The following S100A9 variants were observed in gnomAD, a reference collection of about 807,000 sequenced individuals.
S100A9 encodes the protein protein S100-A9.
S100A9 carries 2 observed loss-of-function variants against 4.3 expected under a neutral mutation model. The observed-to-expected ratio is 0.47, with a 90% CI of 0.19 to 1.48. S100A9 has a LOEUF of 1.48. S100A9 is among the 40% of genes most tolerant of loss of function. S100A9 has a pLI of 0.24. For missense variants in S100A9, 130 were observed against 144.4 expected (o/e 0.90, Z 0.51); for synonymous variants, 67 against 54.0 (o/e 1.24, Z -1.06).
chr1:153,358,563 G>A (rs918247655), intron 2 of S100A9, 130 bp downstream of exon 2: 26 of 725,534 alleles, frequency 3.6e-5, no homozygotes, highest in Non-Finnish European at 5.1e-5. Context: ...AAGACGCAGC[G>A]AGTGTCCTGT....
At position 153,360,651 on chromosome 1, in the gene S100A9, A is replaced by G. The variant is rs1661431332; in HGVS notation, c.158A>G (p.Asn53Ser). Residue 53 changes from asparagine (N) to serine (S), a missense_variant, in exon 3 of 3, where the codon AAT (asparagine) becomes AGT (serine). Physicochemically the swap from Asn to Ser is conservative, Grantham distance 46. Coordinates refer to ENST00000368738, the MANE Select transcript of S100A9 (RefSeq NM_002965.4). ...KDLQNFLKKE[N>S]KNEKVIEHIM... ...TTCTCTCCCCACCCGCAGAAGGAGA[A>G]TAAGAATGAAAAGGTCATAGAACAC... The G allele has an allele frequency of 1.2e-6, 2 of 1,605,154 alleles. No homozygotes were observed. The highest frequency in any genetic ancestry group is 1.1e-5 in the South Asian group (1 of 90,504).
At chr1:153,358,525 A>G in intron 2 of S100A9, 92 bp downstream of exon 2, 1 of 1,074,456 alleles carries the variant, frequency 9.3e-7, no homozygotes, top group East Asian at 2.7e-5. Flanking sequence ...AATCAAGGGG[A>G]AGATTTGAGC....
At chr1:153,360,119 T>G (rs1661421329) in intron 2 of S100A9, among the ~76,000 whole-genome samples, 1 of 152,148 alleles carries the variant, frequency 6.6e-6, no homozygotes. Flanking sequence ...GAAATAAGTT[T>G]CACTAATTGG....
At chr1:153,360,481 G>A (rs1275391706) in intron 2 of S100A9, among the ~76,000 whole-genome samples, 163 bp from the exon 3 acceptor site, 1 of 152,144 alleles carries the variant, frequency 6.6e-6, no homozygotes, top group Non-Finnish European at 1.5e-5. Flanking sequence ...TGTGCTCAGT[G>A]TCTGCTCCAT....
At chr1:153,359,380 T>C (rs1661404160) in intron 2 of S100A9, among the ~76,000 whole-genome samples, 1 of 151,884 alleles carries the variant, frequency 6.6e-6, no homozygotes. Context: ...CTGGGTGGGG[T>C]AGGCAAGAAA....
chr1:153,359,044 C>T (rs1001562416), intron 2 of S100A9, among the ~76,000 whole-genome samples: 41 of 152,258 alleles, frequency 2.7e-4, no homozygotes, highest in Admixed American at 1.1e-3. Context: ...ACATGGAGAG[C>T]ACCTGCACAG....
chr1:153,358,970 G>C (rs190946479), intron 2 of S100A9, among the ~76,000 whole-genome samples: 1 of 151,932 alleles, frequency 6.6e-6, no homozygotes, highest in Non-Finnish European at 1.5e-5. Context: ...GGAACTTGGG[G>C]TGGAAGACTT....
Position 153,360,595 on chromosome 1 carries a change from C to A in S100A9, c.151-49C>A, listed in dbSNP as rs755181131. The A allele has an allele frequency of 3.2e-5, 42 of 1,315,700 alleles. No homozygotes were observed. The Admixed American group carries it at 4.1e-4, about 13-fold the overall frequency. The allele number at this position is 1,315,700 out of a possible 1,614,324, so 81.5% of individuals were successfully genotyped here. ...TGGTCATTTACTGTGCTCCCAGTCCCCACCTCTGGCCACACCCAGCTCTCA... is the reference window on the plus strand; with the variant it reads ...TGGTCATTTACTGTGCTCCCAGTCCACACCTCTGGCCACACCCAGCTCTCA... On this transcript the variant is annotated intron_variant, in intron 2 of 2. Transcript: ENST00000368738.
chr1:153,360,718 C>A lies in S100A9; in HGVS notation c.225C>A (p.Ser75Arg). ...ACACAAATGCAGACAAGCAGCTGAG[C>A]TTCGAGGAGTTCATCATGCTGATGG... ...DLDTNADKQL[S>R]FEEFIMLMAR... The change falls in exon 3 of 3, where the codon AGC (serine) becomes AGA (arginine). Residue 75 changes from serine to arginine, a missense_variant. Ser to Arg is a moderately radical substitution (Grantham distance 110, BLOSUM62 -1). Transcript: ENST00000368738. The A allele has an allele frequency of 1.2e-6, 2 of 1,614,000 alleles. No homozygotes were observed. Among genetic ancestry groups the A allele is most frequent in the Non-Finnish European group, 1.7e-6 (2 of 1,179,844 alleles).
rs1661440391 is a variant in S100A9, at chr1:153,360,902, A to G, written c.*64A>G. The G allele has an allele frequency of 5.3e-6, 7 of 1,321,800 alleles. No homozygotes were observed. In the East Asian group the frequency reaches 1.3e-4, roughly 24 times the overall value. 81.9% of individuals were successfully genotyped at this position (1,321,800 alleles called of 1,614,324 possible). A position where few individuals can be genotyped will look rare whatever the true frequency, so the allele number is the denominator to read the frequency against. ...CCACAGTCATGGTGGCCACGGCCACAGCCACTAATCAGGAGGCCAGGCCAC... is the reference window on the plus strand; with the variant it reads ...CCACAGTCATGGTGGCCACGGCCACGGCCACTAATCAGGAGGCCAGGCCAC... On this transcript the variant is annotated 3_prime_UTR_variant, in exon 3 of 3. Coordinates refer to ENST00000368738, the MANE Select transcript of S100A9 (RefSeq NM_002965.4).
intron 2 of S100A9, among the ~76,000 whole-genome samples, chr1:153,359,244 T>C (rs113891531): frequency 6.6e-6 from 1 of 152,012 alleles, no homozygotes; most frequent in African/African-American, 2.4e-5. Flanking sequence ...GAGCCAGACA[T>C]CCTGGGGTAG....
chr1:153,358,211 A>G (rs1661380759), intron 1 of S100A9, 58 bp from the exon 2 acceptor site: 1 of 1,251,128 alleles, frequency 8.0e-7, no homozygotes, highest in Admixed American at 2.3e-5. Flanking sequence ...GGAAGTGTCA[A>G]AGAAGCTTGA....
intron 2 of S100A9, 51 bp from the exon 3 acceptor site, chr1:153,360,593 C>T: frequency 7.8e-7 from 1 of 1,279,314 alleles, no homozygotes; most frequent in South Asian, 1.3e-5. Flanking sequence ...TGCTCCCAGT[C>T]CCCACCTCTG....
chr1:153,359,341 A>G (rs1661402306), intron 2 of S100A9, among the ~76,000 whole-genome samples: 1 of 151,882 alleles, frequency 6.6e-6, no homozygotes, highest in Non-Finnish European at 1.5e-5. Flanking sequence ...ACAGCTCTCC[A>G]TAGGTGGAGG....
chr1:153,358,396 A>C lies in S100A9; in HGVS notation c.113A>C (p.Lys38Thr), dbSNP rs933739131. The C allele has an allele frequency of 6.2e-7, 1 of 1,612,954 alleles. No homozygotes were observed. The highest frequency in any genetic ancestry group is 8.5e-7 in the Non-Finnish European group (1 of 1,179,322). Reference protein sequence around the residue: ...HPDTLNQGEFKELVRKDLQNF... With the variant: ...HPDTLNQGEFTELVRKDLQNF... ...GACACCCTGAACCAGGGGGAATTCA[A>C]AGAGCTGGTGCGAAAAGATCTGCAA... Residue 38 changes from lysine (K) to threonine (T), a missense_variant, in exon 2 of 3, where the codon AAA becomes ACA. Lys to Thr is a moderately conservative substitution (Grantham distance 78). Coordinates refer to ENST00000368738, the MANE Select transcript of S100A9 (RefSeq NM_002965.4).
intron 1 of S100A9, 137 bp from the exon 2 acceptor site, chr1:153,358,132 C>A: frequency 1.8e-6 from 1 of 546,008 alleles, no homozygotes; most frequent in Non-Finnish European, 3.3e-6. Context: ...GGCCATCTCC[C>A]AGTTAAGTTG....
chr1:153,360,659 GA>G lies in S100A9; in HGVS notation c.170del (p.Lys57ArgfsTer3). The G allele has an allele frequency of 1.2e-6, 2 of 1,608,040 alleles. No homozygotes were observed. Among genetic ancestry groups the G allele is most frequent in the Non-Finnish European group, 1.7e-6 (2 of 1,175,876 alleles). On this transcript the variant is annotated frameshift_variant, in exon 3 of 3. Transcript: ENST00000368738. LOFTEE classifies it low-confidence loss of function (END_TRUNC). ...CCACCCGCAGAAGGAGAATAAGAATGAAAAGGTCATAGAACACATCATGGAG... is the reference window on the plus strand; with the variant it reads ...CCACCCGCAGAAGGAGAATAAGAATGAAAGGTCATAGAACACATCATGGAG... ...QNFLKKENKN[E>X]KVIEHIMEDL...
At chr1:153,359,452 A>AC (rs1661406278) in intron 2 of S100A9, among the ~76,000 whole-genome samples, 1 of 151,632 alleles carries the variant, frequency 6.6e-6, no homozygotes, top group African/African-American at 2.4e-5. Context: ...TGCCCGCTTC[A>AC]CCCCCCACCT....
At chr1:153,360,227 T>A (rs188294770) in intron 2 of S100A9, among the ~76,000 whole-genome samples, 1 of 152,182 alleles carries the variant, frequency 6.6e-6, no homozygotes, top group Non-Finnish European at 1.5e-5. Context: ...TGAATTTGCA[T>A]GCCCTCAATA....
Sources: gnomAD v4.1 joint callset for allele counts (sites outside exome capture counted in the v4.1 genomes callset) on GRCh38, gnomAD v4.1.1 for gene constraint, MANE v1.5 for transcripts, NCBI Gene and HGNC (gene_info 2026-07-23, HGNC 2026-07-21) for gene names.